LRRC37B: variants seen among roughly 807,000 people sequenced by gnomAD.
LRRC37B encodes the protein leucine rich repeat containing 37B.
Under a neutral mutation model 98.3 loss-of-function variants are expected in LRRC37B, and 28 were observed. The ratio of observed to expected loss-of-function variants is 0.28; its 90% CI spans 0.21 to 0.39. The LOEUF (loss-of-function observed/expected upper bound fraction) is 0.39. Among genes scored for constraint, LRRC37B ranks in the 10% least tolerant of loss-of-function variants. The pLI, the probability that LRRC37B is intolerant of heterozygous loss-of-function variation, is 1.00. For missense variants in LRRC37B, 938 were observed against 1,182.7 expected (o/e 0.79, Z 3.03); for synonymous variants, 364 against 442.7 (o/e 0.82, Z 2.23).
chr17:32,051,967 CATTTTCTAGTTAGTT>C, intron 11 of LRRC37B: 1 of 151,366 alleles, frequency 6.6e-6, no homozygotes, highest in South Asian at 2.1e-4. Flanking sequence ...ATCTTTCTTC[CATTTTCTAGTTAGTT>C]ATTGGTGGTA....
intron 7 of LRRC37B, among the ~76,000 whole-genome samples, chr17:32,038,230 CAGG>C (rs950995125): frequency 6.6e-6 from 1 of 152,082 alleles, no homozygotes. Context: ...GAGGCTGAGG[CAGG>C]AGGATTGCTT....
At chr17:32,046,084 C>T (rs1021932628) in intron 8 of LRRC37B, among the ~76,000 whole-genome samples, 6 of 152,208 alleles carry the variant, frequency 3.9e-5, no homozygotes, top group African/African-American at 1.4e-4. Flanking sequence ...CATTAACATC[C>T]ACACACTGTG....
intron 10 of LRRC37B, among the ~76,000 whole-genome samples, chr17:32,049,738 G>A (rs1442004915): frequency 2.6e-5 from 4 of 152,136 alleles, no homozygotes; most frequent in African/African-American, 4.8e-5. Context: ...GTGGTGACAC[G>A]TGCCTGTAGC....
rs577469223 is a variant in LRRC37B at position 32,031,436 on chromosome 17, G to A, written c.2035G>A (p.Gly679Arg). Residue 679 changes from glycine to arginine, a missense_variant, in exon 5 of 12, where the codon GGA (glycine) becomes AGA (arginine). Transcript: ENST00000327564. ...CCTTGGAACATTTCAGGCCTGGCAC[G>A]GAATGCAGTTTTTACACAACTTGTA... 79 of 1,607,960 alleles carry A rather than the reference G, an allele frequency of 4.9e-5. No homozygotes were observed. The highest frequency in any genetic ancestry group is 4.6e-4 in the South Asian group (42 of 90,504).
At chr17:32,037,212 C>T (rs1337052569) in intron 7 of LRRC37B, among the ~76,000 whole-genome samples, 1 of 151,952 alleles carries the variant, frequency 6.6e-6, no homozygotes, top group Non-Finnish European at 1.5e-5. Flanking sequence ...AACTCCTGAC[C>T]TCAATGGATC....
At chr17:32,039,524 G>A (rs2062284) in intron 7 of LRRC37B, among the ~76,000 whole-genome samples, 7,222 of 14,726 alleles carry the variant, frequency 0.49, 872 homozygotes, top group Middle Eastern at 0.61. Flanking sequence ...ATATATATAT[G>A]TATGTATTTT....
intron 2 of LRRC37B, among the ~76,000 whole-genome samples, chr17:32,025,317 T>G (rs2142244122): frequency 1.3e-5 from 2 of 151,926 alleles, no homozygotes; most frequent in Middle Eastern, 3.4e-3. Context: ...ATTATAGGCA[T>G]GAGCCACCAC....
At chr17:32,038,719 G>T (rs546950858) in intron 7 of LRRC37B, among the ~76,000 whole-genome samples, 2 of 152,248 alleles carry the variant, frequency 1.3e-5, no homozygotes, top group East Asian at 3.9e-4. Flanking sequence ...TTAGCCAGTT[G>T]TGGTGGCCCA....
At chr17:32,039,376 C>G (rs2142254932) in intron 7 of LRRC37B, among the ~76,000 whole-genome samples, 1 of 147,888 alleles carries the variant, frequency 6.8e-6, no homozygotes, top group African/African-American at 2.5e-5. Flanking sequence ...ACTGGGGAGG[C>G]TGAGGCGGGG....
chr17:32,027,542 T>TGC (rs1199530355), intron 2 of LRRC37B, among the ~76,000 whole-genome samples: 6 of 151,106 alleles, frequency 4.0e-5, no homozygotes, highest in Admixed American at 4.0e-4. Context: ...TGTGTGTGTG[T>TGC]GCCTGCAAAT....
At chr17:32,048,897 TA>T in intron 9 of LRRC37B, 3 of 1,503,648 alleles carry the variant, frequency 2.0e-6, no homozygotes, top group Non-Finnish European at 1.8e-6. Flanking sequence ...ACAACTAATG[TA>T]AAAGACACAA....
chr17:32,044,675 T>C (rs1911527667), intron 7 of LRRC37B, among the ~76,000 whole-genome samples: 1 of 152,118 alleles, frequency 6.6e-6, no homozygotes, highest in South Asian at 2.1e-4. Flanking sequence ...AGTCCAGTTT[T>C]AGACCAGCCT....
At chr17:32,033,347 A>C (rs1911160935) in intron 5 of LRRC37B, among the ~76,000 whole-genome samples, 1 of 124,448 alleles carries the variant, frequency 8.0e-6, no homozygotes, top group Non-Finnish European at 1.7e-5. Context: ...GAGGGAGGGA[A>C]GGGAGGGAAG....
At chr17:32,037,124 G>T (rs1175752891) in intron 7 of LRRC37B, among the ~76,000 whole-genome samples, 3 of 150,602 alleles carry the variant, frequency 2.0e-5, no homozygotes, top group Non-Finnish European at 4.4e-5. Flanking sequence ...GTAGCTGTAG[G>T]CACCCGCCAC....
upstream of LRRC37B, chr17:32,007,730 G>A (rs1298406951): frequency 6.7e-6 from 8 of 1,193,498 alleles, no homozygotes; most frequent in Non-Finnish European, 8.3e-6. The surrounding 1 kb of genome is among the most constrained non-coding windows in gnomAD (Gnocchi z 4.1). Context: ...TCGCCGATAC[G>A]CGGTAGTAGC....
At chr17:32,040,460 A>T in intron 7 of LRRC37B, 2 of 599,564 alleles carry the variant, frequency 3.3e-6, no homozygotes, top group Non-Finnish European at 6.2e-6. Context: ...CTGAAAAAGC[A>T]GTTCTACAAG....
upstream of LRRC37B, chr17:32,017,129 C>CAA (rs1910661429): frequency 6.6e-6 from 1 of 152,122 alleles, no homozygotes. Flanking sequence ...CTTCATAGAC[C>CAA]AAAAGCATTA....
intron 2 of LRRC37B, 28 bp from the exon 6 acceptor site, chr17:32,027,741 A>T: frequency 6.4e-7 from 1 of 1,562,212 alleles, no homozygotes; most frequent in Admixed American, 1.8e-5. Flanking sequence ...TTGCATTTTA[A>T]CCTAGAAATA....
exon 2 of LRRC37B, chr17:32,024,730 A>G: frequency 1.2e-6 from 2 of 1,607,426 alleles, no homozygotes; most frequent in Non-Finnish European, 8.5e-7. Flanking sequence ...AGGAAACTAT[A>G]TTTCATACCT....
Sources: gnomAD v4.1 joint callset for allele counts (sites outside exome capture counted in the v4.1 genomes callset) on GRCh38, gnomAD v4.1.1 for gene constraint, Gnocchi (gnomAD v3.1) non-coding constraint, MANE v1.5 for transcripts, NCBI Gene and HGNC (gene_info 2026-07-23, HGNC 2026-07-21) for gene names.